The following RB1 variants were observed in gnomAD, a reference collection of about 807,000 sequenced individuals.
The protein encoded by RB1 is RB transcriptional corepressor 1.
RB1 carries 18 observed loss-of-function variants against 135.4 expected under a neutral mutation model. The observed-to-expected ratio is 0.13, with a 90% CI of 0.09 to 0.20. RB1 has a LOEUF of 0.20. Among genes scored for constraint, RB1 ranks in the 10% least tolerant of loss-of-function variants. The pLI is 1.00. For synonymous variants in RB1, 365 were observed against 373.2 expected, an observed-to-expected ratio of 0.98 and a Z score of 0.25; for missense variants, 868 against 1,110.0, an observed-to-expected ratio of 0.78 and a Z score of 3.10.
At chr13:48,367,118 CA>C (rs34822911) in intron 9 of RB1, among the ~76,000 whole-genome samples, 50 of 102,334 alleles carry the variant, frequency 4.9e-4, no homozygotes, top group African/African-American at 1.6e-3. Context: ...AACTCCATCT[CA>C]AAAAAAAAAA....
intron 2 of RB1, among the ~76,000 whole-genome samples, chr13:48,321,470 A>G (rs1331872328): frequency 1.3e-5 from 2 of 151,254 alleles, no homozygotes; most frequent in Non-Finnish European, 2.9e-5. Context: ...ATAAGGTGGT[A>G]TCTCATTATG....
chr13:48,374,013 G>T (rs997191768), intron 12 of RB1, among the ~76,000 whole-genome samples: 3 of 152,024 alleles, frequency 2.0e-5, no homozygotes, highest in Admixed American at 6.5e-5. Flanking sequence ...TCTAACTGTT[G>T]TTCCTTTGTA....
At chr13:48,411,973 C>G (rs776012380) in intron 17 of RB1, 13 of 1,600,038 alleles carry the variant, frequency 8.1e-6, no homozygotes, top group Non-Finnish European at 1.0e-5. Context: ...ACAAAAACGG[C>G]GGGTGCACTT....
intron 9 of RB1, 113 bp downstream of exon 9, chr13:48,365,084 AG>A: frequency 7.8e-7 from 1 of 1,287,606 alleles, no homozygotes; most frequent in Non-Finnish European, 1.0e-6. Flanking sequence ...TTTTTGCCCA[AG>A]AAGAATCTAG....
chr13:48,430,235 A>C (rs1015310238), intron 17 of RB1, among the ~76,000 whole-genome samples: 7 of 152,212 alleles, frequency 4.6e-5, no homozygotes, highest in African/African-American at 1.7e-4. Flanking sequence ...AATGTATGAT[A>C]ATTTATCCAC....
chr13:48,318,082 C>T (rs561619480), intron 2 of RB1: 10 of 537,642 alleles, frequency 1.9e-5, no homozygotes, highest in East Asian at 1.6e-4. Context: ...CCTTCAGAGG[C>T]GGAGGCAGAG....
intron 17 of RB1, among the ~76,000 whole-genome samples, chr13:48,437,943 A>G (rs1011016089): frequency 6.6e-6 from 1 of 152,054 alleles, no homozygotes; most frequent in Admixed American, 6.6e-5. Context: ...AACAAATCCT[A>G]TTATCAGTTT....
intron 23 of RB1, 84 bp downstream of exon 23, chr13:48,465,452 C>A (rs2138346622): frequency 7.6e-7 from 1 of 1,321,110 alleles, no homozygotes; most frequent in Non-Finnish European, 1.1e-6. Flanking sequence ...AAGCATTCTT[C>A]ATTTCAAATA....
chr13:48,478,515 G>T (rs1441462264), intron 26 of RB1, among the ~76,000 whole-genome samples: 2 of 152,190 alleles, frequency 1.3e-5, no homozygotes, highest in African/African-American at 4.8e-5. Context: ...CCACAAATAT[G>T]CACTTAAAAA....
At chr13:48,420,266 A>G (rs1948985214) in intron 17 of RB1, among the ~76,000 whole-genome samples, 1 of 152,220 alleles carries the variant, frequency 6.6e-6, no homozygotes, top group Non-Finnish European at 1.5e-5. Context: ...CATCACATAA[A>G]CAGAACCAAA....
intron 23 of RB1, among the ~76,000 whole-genome samples, chr13:48,473,064 A>G (rs1949482168): frequency 1.3e-5 from 2 of 152,222 alleles, no homozygotes; most frequent in Non-Finnish European, 1.5e-5. Flanking sequence ...TTTATGAAGA[A>G]CTAAGTAGGG....
chr13:48,318,389 G>T, intron 2 of RB1: 2 of 1,498,706 alleles, frequency 1.3e-6, no homozygotes, highest in Non-Finnish European at 1.8e-6. Context: ...TGGACCTTAA[G>T]TCCTTGATGG....
intron 17 of RB1, among the ~76,000 whole-genome samples, chr13:48,403,992 C>T (rs1948716406): frequency 6.6e-6 from 1 of 152,078 alleles, no homozygotes; most frequent in Non-Finnish European, 1.5e-5. Context: ...CAGAATGAGA[C>T]ACTGTCTCAA....
In RB1 at chr13:48,480,262, T is replaced by G; in HGVS notation, c.*191T>G. The stretch of plus-strand genomic sequence containing the variant: ...CCACTTGAAATGTTAGTCATTGTTA[T>G]TTATACAAGATTGAAAATCTTGTGT... On this transcript the variant is annotated 3_prime_UTR_variant, in exon 27 of 27. Coordinates refer to ENST00000267163, the MANE Select transcript of RB1 (RefSeq NM_000321.3). 2 of 599,032 alleles carry G rather than the reference T, an allele frequency of 3.3e-6. No individual in the cohort carries two copies. Among genetic ancestry groups the G allele is most frequent in the East Asian group, 2.8e-5 (1 of 35,630 alleles). 37.1% of individuals were successfully genotyped at this position (599,032 alleles called of 1,614,324 possible). A position where few individuals can be genotyped will look rare whatever the true frequency, so the allele number is the denominator to read the frequency against.
In RB1 at chr13:48,364,149, G is replaced by A. The variant is rs75751595; in HGVS notation, c.862-745G>A. On this transcript the variant is annotated intron_variant, in intron 8 of 26. Coordinates refer to ENST00000267163, the MANE Select transcript of RB1 (RefSeq NM_000321.3). The stretch of plus-strand genomic sequence containing the variant: ...CAACAGGTTTGAATTGCATGGGTCC[G>A]TTTATACACAGATATATTTAATTAC... Among the ~76,000 whole-genome samples the A allele has an allele frequency of 6.9e-3, 1,047 of 152,148 alleles. 4 individuals carry two copies. The highest frequency in any genetic ancestry group is 0.011 in the Non-Finnish European group (722 of 68,000).
chr13:48,330,267 A>G (rs1952321201), intron 2 of RB1, among the ~76,000 whole-genome samples: 1 of 152,110 alleles, frequency 6.6e-6, no homozygotes, highest in South Asian at 2.1e-4. Context: ...ATCTCTCAGA[A>G]CTAGGTAGAA....
At chr13:48,443,450 G>A (rs1311917538) in intron 17 of RB1, among the ~76,000 whole-genome samples, 1 of 152,124 alleles carries the variant, frequency 6.6e-6, no homozygotes, top group Non-Finnish European at 1.5e-5. Flanking sequence ...TATTTCTAAT[G>A]TATTAAGTCA....
At chr13:48,437,191 C>G (rs573138085) in intron 17 of RB1, among the ~76,000 whole-genome samples, 153 of 152,210 alleles carry the variant, frequency 1.0e-3, no homozygotes, top group Non-Finnish European at 1.7e-3. Context: ...GACTAAGTAG[C>G]AAAACAGAGT....
intron 17 of RB1, among the ~76,000 whole-genome samples, chr13:48,446,158 ATG>A (rs1949286023): frequency 6.6e-6 from 1 of 152,006 alleles, no homozygotes; most frequent in African/African-American, 2.4e-5. Context: ...GGGTTTCACC[ATG>A]TTGGCCAGGC....
Sources: gnomAD v4.1 joint callset for allele counts (sites outside exome capture counted in the v4.1 genomes callset) on GRCh38, gnomAD v4.1.1 for gene constraint, MANE v1.5 for transcripts, NCBI Gene and HGNC (gene_info 2026-07-23, HGNC 2026-07-21) for gene names.